The following CLN8 variants were observed in gnomAD, a reference collection of about 807,000 sequenced individuals.
The protein encoded by CLN8 is protein CLN8.
A neutral mutation model predicts 15.7 loss-of-function variants in CLN8; 14 were observed. That is an observed-to-expected ratio of 0.89 (90% CI 0.59 to 1.39). CLN8 has a LOEUF of 1.39. Ranked by LOEUF, CLN8 falls within the 40% of genes most tolerant of loss-of-function variation. The pLI, the probability that CLN8 is intolerant of heterozygous loss-of-function variation, is 0.00. For synonymous variants in CLN8, 188 were observed against 151.0 expected (o/e 1.25, Z -1.80); for missense variants, 415 against 364.0 (o/e 1.14, Z -1.14).
chr8:1,771,028 G>T lies in CLN8; in HGVS notation c.-27G>T, dbSNP rs780876758. ...AGGGCCCGGCCCGTGTTGGCCCCAG[G>T]ACTCCTTTGGAATATAGCTGTGGAC... On this transcript the variant is annotated 5_prime_UTR_variant, in exon 2 of 3. Transcript: ENST00000331222. 6.2e-7 allele frequency: 1 copy of T among 1,612,970 alleles called. No individual in the cohort carries two copies. Among genetic ancestry groups the T allele is most frequent in the Non-Finnish European group, 8.5e-7 (1 of 1,179,554 alleles).
chr8:1,755,924 C>T (rs776612234), exon 1 of CLN8: 1 of 152,092 alleles, frequency 6.6e-6, no homozygotes, highest in Non-Finnish European at 1.5e-5. Flanking sequence ...GTGTGGGTCT[C>T]GTTATTTCAT....
chr8:1,779,215 A>G (rs1245117526), intron 2 of CLN8, among the ~76,000 whole-genome samples: 2 of 152,216 alleles, frequency 1.3e-5, no homozygotes, highest in Non-Finnish European at 2.9e-5. Flanking sequence ...TAAATATTCA[A>G]AAACACCAGA....
chr8:1,780,065 C>T (rs761700022), intron 2 of CLN8, 185 bp from the exon 3 acceptor site: 6 of 985,352 alleles, frequency 6.1e-6, no homozygotes, highest in African/African-American at 1.7e-5. Context: ...GGTGCGCCCA[C>T]AGAGCTGGTG....
Position 1,780,235 on chromosome 8 carries a change from C to G in CLN8, c.544-15C>G. On this transcript the variant is annotated splice_polypyrimidine_tract_variant and intron_variant, in intron 2 of 2. Transcript: ENST00000331222. ...GTTTCGCATTGACTTGTGCATTTGT[C>G]TTCTCTCCATGCAGGCGGGCTGGTC... The G allele has an allele frequency of 2.5e-6, 4 of 1,614,250 alleles. No individual in the cohort carries two copies. Among genetic ancestry groups the G allele is most frequent in the Non-Finnish European group, 3.4e-6 (4 of 1,180,040 alleles).
intron 2 of CLN8, among the ~76,000 whole-genome samples, chr8:1,778,804 CATTA>C (rs1264206708): frequency 6.6e-6 from 1 of 152,172 alleles, no homozygotes; most frequent in East Asian, 1.9e-4. Flanking sequence ...ATTGTCCTCA[CATTA>C]ATTTTTTCAG....
At chr8:1,777,458 G>A (rs1376854149) in intron 2 of CLN8, among the ~76,000 whole-genome samples, 1 of 152,052 alleles carries the variant, frequency 6.6e-6, no homozygotes, top group Non-Finnish European at 1.5e-5. Context: ...TAATCATAAA[G>A]TAACCTTAAC....
chr8:1,778,584 G>A (rs549438738), intron 2 of CLN8, among the ~76,000 whole-genome samples: 69 of 152,308 alleles, frequency 4.5e-4, no homozygotes, highest in South Asian at 3.3e-3. Context: ...AGGTGGGAGT[G>A]TTTCATTTGC....
chr8:1,779,552 G>A (rs985677470), intron 2 of CLN8, among the ~76,000 whole-genome samples: 4 of 152,208 alleles, frequency 2.6e-5, no homozygotes, highest in Non-Finnish European at 5.9e-5. Context: ...GCCCAAGTTA[G>A]AATATTTTGC....
upstream of CLN8, among the ~76,000 whole-genome samples, chr8:1,753,819 G>T (rs1362294525): frequency 1.3e-5 from 2 of 151,602 alleles, no homozygotes; most frequent in African/African-American, 4.8e-5. Flanking sequence ...CCGGGAGGCA[G>T]AGGTTGCACT....
exon 1 of CLN8, chr8:1,755,942 G>C (rs1800660159): frequency 6.6e-6 from 1 of 151,932 alleles, no homozygotes; most frequent in African/African-American, 2.4e-5. Context: ...CATAAGAGAG[G>C]GGGAAAATGT....
rs147224140 is a variant in CLN8 at position 1,771,465 on chromosome 8, C to G, written c.411C>G (p.Ile137Met). The change falls in exon 2 of 3, where the codon ATC becomes ATG. Residue 137 changes from isoleucine to methionine, a missense_variant. By Grantham distance (10) the Ile-to-Met change is conservative. Transcript: ENST00000331222. ...GGACATTTGACTTGTTTCTGGTTAT[C>G]CACCATCTCTTTGCCTTTCTTGGGT... ...IFRTFDLFLVIHHLFAFLGFL... is the reference protein window; with the variant it reads ...IFRTFDLFLVMHHLFAFLGFL... 27 of 1,614,072 alleles carry G rather than the reference C, an allele frequency of 1.7e-5. No homozygotes were observed. Among genetic ancestry groups the G allele is most frequent in the Admixed American group, 1.2e-4 (7 of 59,998 alleles).
Position 1,771,314 on chromosome 8 carries a change from G to T in CLN8, c.260G>T (p.Gly87Val). Residue 87 changes from glycine (G) to valine (V), a missense_variant, in exon 2 of 3, where the codon GGG (glycine) becomes GTG (valine). Coordinates refer to ENST00000331222, the MANE Select transcript of CLN8 (RefSeq NM_018941.4). The stretch of plus-strand genomic sequence containing the variant: ...GCCGCAGGCCTGTGGGCTCTGCTGG[G>T]GGACCCTGTGCTGCATGCCGACAAG... ...STAAGLWALL[G>V]DPVLHADKAR... 6.2e-7 allele frequency: 1 copy of T among 1,614,164 alleles called. No homozygotes were observed. The highest frequency in any genetic ancestry group is 8.5e-7 in the Non-Finnish European group (1 of 1,180,020).
intron 1 of CLN8, among the ~76,000 whole-genome samples, chr8:1,769,934 G>C (rs1196826879): frequency 6.6e-6 from 1 of 152,138 alleles, no homozygotes; most frequent in Non-Finnish European, 1.5e-5. Flanking sequence ...CTTGTCCTAT[G>C]TGCACCCCAC....
intron 1 of CLN8, among the ~76,000 whole-genome samples, chr8:1,768,380 A>T (rs147658802): frequency 6.6e-6 from 1 of 152,254 alleles, no homozygotes; most frequent in Non-Finnish European, 1.5e-5. Flanking sequence ...CTGAAGCATC[A>T]CTTGGGCTCA....
At position 1,780,799 on chromosome 8, in the gene CLN8, C is replaced by T. The variant is rs1801693719; in HGVS notation, c.*232C>T. ...GCTCTGTCAGTTTAGCCGCGCCGGA[C>T]CGTGTCAAGCATCTAGGAGAGGAGT... On this transcript the variant is annotated 3_prime_UTR_variant, in exon 3 of 3. Coordinates refer to ENST00000331222, the MANE Select transcript of CLN8 (RefSeq NM_018941.4). The T allele has an allele frequency of 3.4e-6, 2 of 585,110 alleles. No individual in the cohort carries two copies. The highest frequency in any genetic ancestry group is 6.0e-6 in the Non-Finnish European group (2 of 330,986). 36.2% of individuals were successfully genotyped at this position (585,110 alleles called of 1,614,324 possible).
Position 1,780,453 on chromosome 8 carries a change from G to C in CLN8, c.747G>C (p.Trp249Cys). ...ALLTLIINPY[W>C]THKKTQQLLN... ...TTACGCTAATCATTAATCCATATTG[G>C]ACCCATAAGAAGACTCAGCAGCTTC... The change falls in exon 3 of 3, where the codon TGG (tryptophan) becomes TGC (cysteine). Residue 249 changes from tryptophan to cysteine, a missense_variant. By Grantham distance (215) the Trp-to-Cys change is radical. Transcript: ENST00000331222. The C allele has an allele frequency of 6.2e-7, 1 of 1,614,186 alleles. No homozygotes were observed. Among genetic ancestry groups the C allele is most frequent in the Non-Finnish European group, 8.5e-7 (1 of 1,180,036 alleles).
chr8:1,780,320 T>C lies in CLN8; in HGVS notation c.614T>C (p.Met205Thr), dbSNP rs763967636. 10 of 1,614,134 alleles carry C rather than the reference T, an allele frequency of 6.2e-6. No homozygotes were observed. In the Admixed American group the frequency reaches 1.3e-4, roughly 22 times the overall value. Residue 205 changes from methionine to threonine, a missense_variant, in exon 3 of 3, where the codon ATG becomes ACG. Coordinates refer to ENST00000331222, the MANE Select transcript of CLN8 (RefSeq NM_018941.4). ...WLMIHMFHCR[M>T]VLTYHMWWVC... ...ATGATTCACATGTTTCACTGCCGCA[T>C]GGTTCTAACCTACCACATGTGGTGG...
chr8:1,767,465 A>T (rs747884832), intron 1 of CLN8, among the ~76,000 whole-genome samples: 2 of 151,788 alleles, frequency 1.3e-5, no homozygotes, highest in Non-Finnish European at 2.9e-5. Context: ...AAGCTTGAAG[A>T]CCTGGTAGCT....
At position 1,779,280 on chromosome 8, in the gene CLN8, T is replaced by G. The variant is rs555091658; in HGVS notation, c.544-970T>G. 2.0e-5 allele frequency among the ~76,000 whole-genome samples: 3 copies of G among 152,346 alleles called. No homozygotes were observed. The East Asian group carries it at 5.8e-4, about 29-fold the overall frequency. The stretch of plus-strand genomic sequence containing the variant: ...TATTTTTTTGAGACAGTCTTGCTCT[T>G]TCTCCAGACTAGATTGCAGTGGCAC... On this transcript the variant is annotated intron_variant, in intron 2 of 2. Transcript: ENST00000331222.
Sources: gnomAD v4.1 joint callset for allele counts (sites outside exome capture counted in the v4.1 genomes callset) on GRCh38, gnomAD v4.1.1 for gene constraint, MANE v1.5 for transcripts, NCBI Gene and HGNC (gene_info 2026-07-23, HGNC 2026-07-21) for gene names.